The following BACH2 variants were observed in gnomAD, a reference collection of about 807,000 sequenced individuals.
BACH2 encodes BACH transcriptional regulator 2, also known as transcription regulator protein BACH2.
In BACH2, 5 loss-of-function variants were observed where a neutral mutation model predicts 61.8. The observed-to-expected ratio is 0.08, with a 90% CI of 0.04 to 0.17. BACH2 has a LOEUF of 0.17. Ranked by LOEUF, BACH2 falls within the 10% of genes least tolerant of loss-of-function variation. BACH2 has a pLI of 1.00. For synonymous variants in BACH2, 446 were observed against 440.1 expected (o/e 1.01, Z -0.17); for missense variants, 824 against 1,091.1 (o/e 0.76, Z 3.45).
intron 6 of BACH2, among the ~76,000 whole-genome samples, chr6:89,987,261 T>C (rs1776294536): frequency 6.6e-6 from 1 of 152,208 alleles, no homozygotes; most frequent in Non-Finnish European, 1.5e-5. Flanking sequence ...TGGGTCAGTA[T>C]GGTGACACAG....
intron 5 of BACH2, among the ~76,000 whole-genome samples, chr6:90,027,485 T>A (rs1267496326): frequency 2.0e-5 from 3 of 152,218 alleles, no homozygotes; most frequent in Non-Finnish European, 2.9e-5. Context: ...GATTTTTTTT[T>A]AATTCACTCA....
chr6:90,079,915 ATT>A (rs557285186), intron 5 of BACH2, among the ~76,000 whole-genome samples: 1 of 141,366 alleles, frequency 7.1e-6, no homozygotes, highest in Non-Finnish European at 1.6e-5. Flanking sequence ...TTGTACTTTC[ATT>A]TTTTTTTTTT....
chr6:89,981,266 G>C (rs1036875514), intron 6 of BACH2, among the ~76,000 whole-genome samples: 10 of 151,962 alleles, frequency 6.6e-5, no homozygotes, highest in African/African-American at 2.4e-4. Flanking sequence ...CCAGTAGCCG[G>C]GACTACAGGT....
rs548796767 is a variant in BACH2, at chr6:90,052,158, T to C, written c.-13+36803A>G. Among the ~76,000 whole-genome samples, 6 of 152,356 alleles carry C rather than the reference T, an allele frequency of 3.9e-5. No homozygotes were observed. In the South Asian group the frequency reaches 1.2e-3, roughly 32 times the overall value. On this transcript the variant is annotated intron_variant, in intron 5 of 8. Transcript: ENST00000257749. ...CATATGAAGAACACATATATTCTATTTGTTTGATGCAAGATTCTATGAATC... is the reference window on the plus strand; with the variant it reads ...CATATGAAGAACACATATATTCTATCTGTTTGATGCAAGATTCTATGAATC...
chr6:90,124,320 A>C (rs1783759578), intron 4 of BACH2, among the ~76,000 whole-genome samples: 1 of 152,266 alleles, frequency 6.6e-6, no homozygotes, highest in Admixed American at 6.5e-5. Context: ...AGAAAAGCAC[A>C]AAGACAAAAG....
intron 5 of BACH2, among the ~76,000 whole-genome samples, chr6:90,037,489 C>T (rs1779318664): frequency 6.6e-6 from 1 of 152,114 alleles, no homozygotes; most frequent in Non-Finnish European, 1.5e-5. Flanking sequence ...GGATTAGGCC[C>T]TCATTTTCCA....
chr6:90,177,204 C>T (rs1768009564), intron 4 of BACH2, among the ~76,000 whole-genome samples: 2 of 152,162 alleles, frequency 1.3e-5, no homozygotes, highest in South Asian at 4.1e-4. Flanking sequence ...CACCTTGCTG[C>T]TCTCATTACA....
At chr6:90,157,678 G>A (rs1247150425) in intron 4 of BACH2, among the ~76,000 whole-genome samples, 2 of 152,138 alleles carry the variant, frequency 1.3e-5, no homozygotes, top group Non-Finnish European at 2.9e-5. Flanking sequence ...CAGGAACTGG[G>A]GCTGGGACCA....
chr6:89,942,283 T>C (rs1773480723), intron 7 of BACH2, among the ~76,000 whole-genome samples: 1 of 152,034 alleles, frequency 6.6e-6, no homozygotes, highest in African/African-American at 2.4e-5. Flanking sequence ...AAATAAGGAG[T>C]AGCCACTGAC....
intron 1 of BACH2, among the ~76,000 whole-genome samples, chr6:90,278,628 T>A (rs1771766316): frequency 6.6e-6 from 1 of 152,212 alleles, no homozygotes; most frequent in Non-Finnish European, 1.5e-5. Context: ...CTGTACATTG[T>A]AGATATTAAA....
chr6:90,196,715 G>GAA (rs1156442279), intron 4 of BACH2, among the ~76,000 whole-genome samples: 2 of 151,944 alleles, frequency 1.3e-5, no homozygotes, highest in African/African-American at 4.8e-5. Flanking sequence ...GACACGCGAT[G>GAA]ATACTTTATC....
At chr6:90,273,003 T>A (rs1771576274) in intron 1 of BACH2, among the ~76,000 whole-genome samples, 2 of 152,248 alleles carry the variant, frequency 1.3e-5, no homozygotes, top group South Asian at 4.2e-4. Flanking sequence ...AGGCTCTGGA[T>A]CCTGGTGGCC....
chr6:90,070,000 G>C (rs568504334), intron 5 of BACH2, among the ~76,000 whole-genome samples: 2 of 152,284 alleles, frequency 1.3e-5, no homozygotes, highest in Admixed American at 1.3e-4. Context: ...GCTCCAGAGG[G>C]TGGAATGAGG....
intron 5 of BACH2, among the ~76,000 whole-genome samples, chr6:90,011,371 CTATT>C (rs1777697998): frequency 6.6e-6 from 1 of 152,000 alleles, no homozygotes; most frequent in Non-Finnish European, 1.5e-5. Context: ...ATGTATGAAT[CTATT>C]TATGGACTCT....
intron 5 of BACH2, among the ~76,000 whole-genome samples, chr6:90,055,938 A>C (rs1253497563): frequency 6.6e-6 from 1 of 152,144 alleles, no homozygotes; most frequent in Non-Finnish European, 1.5e-5. Context: ...TTTTGTCACC[A>C]CCAGGCCTGC....
intron 5 of BACH2, among the ~76,000 whole-genome samples, chr6:90,082,080 C>G (rs147000838): frequency 6.6e-6 from 1 of 152,222 alleles, no homozygotes; most frequent in African/African-American, 2.4e-5. Flanking sequence ...AATTTTGTTA[C>G]CAAAATTATA....
At chr6:89,937,204 C>G (rs1773077847) in intron 8 of BACH2, among the ~76,000 whole-genome samples, 1 of 152,046 alleles carries the variant, frequency 6.6e-6, no homozygotes, top group African/African-American at 2.4e-5. Flanking sequence ...AAGAAAGGAC[C>G]CTGGGCCTGC....
At chr6:90,203,121 T>TA (rs1274879381) in intron 4 of BACH2, among the ~76,000 whole-genome samples, 2 of 152,090 alleles carry the variant, frequency 1.3e-5, no homozygotes, top group Non-Finnish European at 2.9e-5. Context: ...ATTTAAAAGT[T>TA]AAATTTTGGC....
At chr6:90,136,332 G>A (rs1232600824) in intron 4 of BACH2, among the ~76,000 whole-genome samples, 3 of 152,198 alleles carry the variant, frequency 2.0e-5, no homozygotes, top group Non-Finnish European at 4.4e-5. Context: ...AAAGAGCCTG[G>A]TTTTGGAGTC....
Sources: allele counts gnomAD v4.1 joint callset (sites outside exome capture counted in the v4.1 genomes callset), GRCh38; gene constraint gnomAD v4.1.1; transcripts MANE v1.5; gene names NCBI Gene and HGNC (gene_info 2026-07-23, HGNC 2026-07-21).